The following SFMBT2 variants were observed in gnomAD, a reference collection of about 807,000 sequenced individuals.
SFMBT2 encodes the protein Scm like with four mbt domains 2.
SFMBT2 carries 38 observed loss-of-function variants against 110.1 expected under a neutral mutation model. The ratio of observed to expected loss-of-function variants is 0.35; its 90% confidence interval spans 0.27 to 0.45. The LOEUF (loss-of-function observed/expected upper bound fraction) is 0.45. Among genes scored for constraint, SFMBT2 ranks in the 20% least tolerant of loss-of-function variants. The pLI is 1.00. For missense variants in SFMBT2, 1,011 were observed against 1,094.9 expected, an observed-to-expected ratio of 0.92 and a Z score of 1.08; for synonymous variants, 425 against 425.4, an observed-to-expected ratio of 1.00 and a Z score of 0.01.
At chr10:7,238,149 G>A (rs1305609530) in intron 9 of SFMBT2, among the ~76,000 whole-genome samples, 2 of 152,268 alleles carry the variant, frequency 1.3e-5, no homozygotes, top group South Asian at 4.1e-4. Flanking sequence ...TAACACGATC[G>A]ATCTGACTGC....
At chr10:7,270,200 G>A (rs1841536988) in intron 7 of SFMBT2, among the ~76,000 whole-genome samples, 1 of 152,156 alleles carries the variant, frequency 6.6e-6, no homozygotes, top group South Asian at 2.1e-4. Context: ...TGGAGGCAGG[G>A]AACCGAGGGA....
At chr10:7,343,684 T>C (rs2131990349) in intron 4 of SFMBT2, among the ~76,000 whole-genome samples, 1 of 152,336 alleles carries the variant, frequency 6.6e-6, no homozygotes, top group East Asian at 1.9e-4. Context: ...CATGTGTATG[T>C]TTTCTTTCAA....
chr10:7,402,037 G>A (rs770328942), intron 1 of SFMBT2, among the ~76,000 whole-genome samples: 2 of 151,670 alleles, frequency 1.3e-5, no homozygotes, highest in Non-Finnish European at 2.9e-5. Context: ...GACAGGAGAC[G>A]GAGAGCTCTT....
chr10:7,181,013 G>C (rs531798672), intron 16 of SFMBT2, among the ~76,000 whole-genome samples: 3 of 152,126 alleles, frequency 2.0e-5, no homozygotes, highest in African/African-American at 7.2e-5. Context: ...CCTGCTTACA[G>C]GCAGATCACG....
At chr10:7,278,425 C>T (rs1160421608) in intron 6 of SFMBT2, among the ~76,000 whole-genome samples, 1 of 152,140 alleles carries the variant, frequency 6.6e-6, no homozygotes, top group Admixed American at 6.5e-5. Context: ...GCACTGCATC[C>T]AAACCACGGA....
chr10:7,376,592 C>G (rs529241260), intron 2 of SFMBT2, among the ~76,000 whole-genome samples: 1 of 147,110 alleles, frequency 6.8e-6, no homozygotes. Context: ...CCAGCTACTG[C>G]GGAGGCTGAG....
At chr10:7,246,740 AGAATGGTGAG>A (rs1345830568) in intron 8 of SFMBT2, among the ~76,000 whole-genome samples, 5 of 150,092 alleles carry the variant, frequency 3.3e-5, no homozygotes, top group Non-Finnish European at 5.9e-5. Flanking sequence ...AAAAAAAAAA[AGAATGGTGAG>A]AGACGCTACC....
At chr10:7,296,027 A>G (rs959595321) in intron 4 of SFMBT2, among the ~76,000 whole-genome samples, 1 of 152,258 alleles carries the variant, frequency 6.6e-6, no homozygotes, top group Admixed American at 6.5e-5. Flanking sequence ...TTCTCAAAGC[A>G]CACAACTCAC....
chr10:7,310,721 C>T (rs1208719273), intron 4 of SFMBT2, among the ~76,000 whole-genome samples: 18 of 152,048 alleles, frequency 1.2e-4, no homozygotes, highest in Admixed American at 1.2e-3. Flanking sequence ...AGGAAACAGG[C>T]AGGTTTGAAA....
At chr10:7,355,105 T>C (rs1055937076) in intron 4 of SFMBT2, among the ~76,000 whole-genome samples, 3 of 152,230 alleles carry the variant, frequency 2.0e-5, no homozygotes, top group African/African-American at 4.8e-5. Context: ...GTCTACTTCA[T>C]CTTAATTCTT....
intron 16 of SFMBT2, among the ~76,000 whole-genome samples, chr10:7,182,423 C>T (rs900421883): frequency 3.3e-5 from 5 of 152,096 alleles, no homozygotes; most frequent in African/African-American, 4.8e-5. Flanking sequence ...AAACAGCATA[C>T]CAATGACATA....
chr10:7,223,896 G>A (rs183059961), intron 10 of SFMBT2, among the ~76,000 whole-genome samples: 1 of 152,292 alleles, frequency 6.6e-6, no homozygotes, highest in East Asian at 1.9e-4. Context: ...GAGGCTGCTG[G>A]TCTCACGACC....
At chr10:7,384,946 C>T (rs902100771) in intron 1 of SFMBT2, among the ~76,000 whole-genome samples, 2 of 152,168 alleles carry the variant, frequency 1.3e-5, no homozygotes, top group African/African-American at 4.8e-5. Context: ...CAGAAGGTTC[C>T]AGAGATTTCC....
At chr10:7,210,433 G>A (rs1007634277) in intron 11 of SFMBT2, among the ~76,000 whole-genome samples, 4 of 152,194 alleles carry the variant, frequency 2.6e-5, no homozygotes, top group East Asian at 1.9e-4. Flanking sequence ...GACCCAGGGC[G>A]AGGGAGGCTA....
At chr10:7,385,476 C>T (rs1292676657) in intron 1 of SFMBT2, among the ~76,000 whole-genome samples, 1 of 152,140 alleles carries the variant, frequency 6.6e-6, no homozygotes, top group Non-Finnish European at 1.5e-5. Flanking sequence ...AACTGAAACA[C>T]GTGGAGCAAA....
intron 1 of SFMBT2, among the ~76,000 whole-genome samples, chr10:7,393,477 G>A (rs1845838403): frequency 1.3e-5 from 2 of 152,068 alleles, no homozygotes; most frequent in South Asian, 4.2e-4. Flanking sequence ...TTTAAGGTAG[G>A]TTTGCAAAGG....
At chr10:7,263,360 A>G (rs1564410953) in intron 7 of SFMBT2, among the ~76,000 whole-genome samples, 1 of 151,694 alleles carries the variant, frequency 6.6e-6, no homozygotes, top group Non-Finnish European at 1.5e-5. Flanking sequence ...TCCTGCCTCA[A>G]CCTCCCGAGT....
At chr10:7,269,981 GA>G (rs1178205738) in intron 7 of SFMBT2, among the ~76,000 whole-genome samples, 1 of 151,942 alleles carries the variant, frequency 6.6e-6, no homozygotes, top group East Asian at 1.9e-4. Context: ...GTACATACAT[GA>G]AATGCGATCA....
At chr10:7,325,561 T>C (rs551839135) in intron 4 of SFMBT2, among the ~76,000 whole-genome samples, 6 of 152,286 alleles carry the variant, frequency 3.9e-5, no homozygotes, top group African/African-American at 1.4e-4. Context: ...TACCCTCACA[T>C]ATAACTATTT....
Sources: gnomAD v4.1 joint callset for allele counts (sites outside exome capture counted in the v4.1 genomes callset) on GRCh38, gnomAD v4.1.1 for gene constraint, MANE v1.5 for transcripts, NCBI Gene and HGNC (gene_info 2026-07-23, HGNC 2026-07-21) for gene names.